TPP2: variants seen among roughly 807,000 people sequenced by gnomAD.
TPP2 encodes tripeptidyl-peptidase 2.
In TPP2, 34 loss-of-function variants were observed where a neutral mutation model predicts 155.9. That is an observed-to-expected ratio of 0.22 (90% CI 0.17 to 0.29). The LOEUF is 0.29. TPP2 is among the 10% of genes least tolerant of loss of function. The probability of loss-of-function intolerance (pLI) is 1.00; values close to 1 mark genes in which losing one functional copy is unlikely to be tolerated. For missense variants in TPP2, 1,028 were observed against 1,522.3 expected (o/e 0.68, Z 5.40); for synonymous variants, 510 against 529.4 (o/e 0.96, Z 0.50).
rs975929413 is a variant in TPP2 at position 102,636,154 on chromosome 13, T to C, written c.1510-70T>C. ...TGTTTTACAACTGAAATCAAATTGA[T>C]TGGTAATTTGCAACAAAATATTTTT... On this transcript the variant is annotated intron_variant, in intron 12 of 29. Coordinates refer to ENST00000376052, the MANE Select transcript of TPP2 (RefSeq NM_001330588.2). 1.1e-5 allele frequency: 16 copies of C among 1,433,320 alleles called. No homozygotes were observed. In the African/African-American group the frequency reaches 1.4e-4, roughly 13 times the overall value. The allele number at this position is 1,433,320 out of a possible 1,614,324, so 88.8% of individuals were successfully genotyped here. A position where few individuals can be genotyped will look rare whatever the true frequency, so the allele number is the denominator to read the frequency against.
At chr13:102,650,204 A>G (rs1285698452) in intron 23 of TPP2, among the ~76,000 whole-genome samples, 1 of 152,126 alleles carries the variant, frequency 6.6e-6, no homozygotes, top group Non-Finnish European at 1.5e-5. Context: ...ACCTTTTGTC[A>G]TAATAATCAT....
At chr13:102,609,864 A>C (rs539467915) in intron 2 of TPP2, among the ~76,000 whole-genome samples, 1 of 152,176 alleles carries the variant, frequency 6.6e-6, no homozygotes, top group East Asian at 1.9e-4. Flanking sequence ...AAACCATATC[A>C]CCTGTTCTTT....
intron 27 of TPP2, among the ~76,000 whole-genome samples, chr13:102,672,124 G>A (rs780017328): frequency 5.3e-5 from 8 of 152,118 alleles, no homozygotes; most frequent in Non-Finnish European, 8.8e-5. Flanking sequence ...GACTATGGCC[G>A]AGTGACAGAT....
intron 25 of TPP2, among the ~76,000 whole-genome samples, chr13:102,660,858 G>A (rs138436699): frequency 1.3e-5 from 2 of 152,162 alleles, no homozygotes; most frequent in African/African-American, 4.8e-5. Context: ...TTTAGTTTTG[G>A]CAAGGGTGCT....
intron 24 of TPP2, among the ~76,000 whole-genome samples, chr13:102,652,226 A>G (rs1883542430): frequency 6.6e-6 from 1 of 151,724 alleles, no homozygotes; most frequent in South Asian, 2.1e-4. Flanking sequence ...AAAATGCAAA[A>G]ATTAGCCAGG....
intron 14 of TPP2, among the ~76,000 whole-genome samples, chr13:102,637,541 CTTG>C (rs11272845): frequency 1.9e-4 from 28 of 150,974 alleles, no homozygotes; most frequent in Admixed American, 2.6e-4. Flanking sequence ...GCTGCAGTTG[CTTG>C]TTGTTGTTGT....
intron 14 of TPP2, 115 bp downstream of exon 14, chr13:102,637,354 C>A (rs1882448035): frequency 8.9e-7 from 1 of 1,118,958 alleles, no homozygotes; most frequent in Non-Finnish European, 1.2e-6. Context: ...ATAACTAGAC[C>A]TATCCATCTG....
chr13:102,632,502 A>G (rs866658745), intron 10 of TPP2, among the ~76,000 whole-genome samples: 3 of 152,156 alleles, frequency 2.0e-5, no homozygotes, highest in African/African-American at 7.2e-5. Flanking sequence ...GGCCTCCGAA[A>G]GTGCTGGAAT....
At chr13:102,607,972 G>T (rs566026730) in intron 2 of TPP2, 1 of 158,682 alleles carries the variant, frequency 6.3e-6, no homozygotes, top group African/African-American at 2.4e-5. Context: ...TTCAAAGGTA[G>T]AATTATATGT....
intron 10 of TPP2, chr13:102,631,280 G>A (rs1566340010): frequency 6.6e-6 from 1 of 152,164 alleles, no homozygotes; most frequent in Non-Finnish European, 1.5e-5. Flanking sequence ...TTTTCTCTAG[G>A]TGGTTTCCTC....
At chr13:102,618,603 AC>A in intron 4 of TPP2, 118 bp from the exon 5 acceptor site, 1 of 1,338,176 alleles carries the variant, frequency 7.5e-7, no homozygotes, top group Non-Finnish European at 9.9e-7. Context: ...AAATTTTCTT[AC>A]ATTTTTTCAG....
At chr13:102,638,087 T>G (rs1177135557) in intron 14 of TPP2, 152 bp from the exon 15 acceptor site, 1 of 654,426 alleles carries the variant, frequency 1.5e-6, no homozygotes, top group African/African-American at 1.8e-5. Flanking sequence ...TTGCTATTAA[T>G]TATGTGACCT....
intron 29 of TPP2, 83 bp from the exon 30 acceptor site, chr13:102,678,143 AT>A: frequency 7.5e-7 from 1 of 1,336,098 alleles, no homozygotes; most frequent in Non-Finnish European, 1.0e-6. Context: ...TACTGTTACT[AT>A]TTAATACAGA....
intron 10 of TPP2, chr13:102,631,565 T>G (rs773056330): frequency 1.1e-4 from 16 of 152,240 alleles, no homozygotes; most frequent in Admixed American, 2.0e-4. Flanking sequence ...TATCTTATTG[T>G]CAATGTAAAA....
At chr13:102,638,623 A>G (rs573782097) in intron 15 of TPP2, among the ~76,000 whole-genome samples, 1 of 152,026 alleles carries the variant, frequency 6.6e-6, no homozygotes, top group Admixed American at 6.6e-5. Context: ...ACCCGATCCC[A>G]CTGTAGTATT....
chr13:102,611,566 T>G (rs538505795), intron 2 of TPP2, among the ~76,000 whole-genome samples: 1 of 152,008 alleles, frequency 6.6e-6, no homozygotes. Flanking sequence ...TCCCAGCTAC[T>G]AGGGAGGCTG....
At chr13:102,667,909 G>A (rs1884712874) in intron 27 of TPP2, 1 of 810,664 alleles carries the variant, frequency 1.2e-6, no homozygotes, top group South Asian at 5.6e-5. Context: ...GTGGGCTAGG[G>A]GACTGCCAGC....
chr13:102,612,824 A>G (rs1484246959), intron 2 of TPP2, among the ~76,000 whole-genome samples: 2 of 152,192 alleles, frequency 1.3e-5, no homozygotes, highest in Non-Finnish European at 1.5e-5. Flanking sequence ...GTGATTAAAT[A>G]TAACTTAACG....
intron 18 of TPP2, 80 bp from the exon 19 acceptor site, chr13:102,644,829 T>C: frequency 6.6e-7 from 1 of 1,514,410 alleles, no homozygotes; most frequent in African/African-American, 1.4e-5. Context: ...AAACTTTATA[T>C]TGGACACATT....
Sources: allele counts gnomAD v4.1 joint callset (sites outside exome capture counted in the v4.1 genomes callset), GRCh38; gene constraint gnomAD v4.1.1; transcripts MANE v1.5; gene names NCBI Gene and HGNC (gene_info 2026-07-23, HGNC 2026-07-21).